Variants in KDM4B observed in about 807,000 individuals in gnomAD.
KDM4B encodes lysine demethylase 4B, also known as lysine-specific demethylase 4B.
Under a neutral mutation model 125.2 loss-of-function variants are expected in KDM4B, and 32 were observed. That is an observed-to-expected ratio of 0.26 (90% CI 0.19 to 0.34). The LOEUF (loss-of-function observed/expected upper bound fraction) is 0.34. KDM4B is among the 10% of genes least tolerant of loss of function. The probability of loss-of-function intolerance (pLI) is 1.00; values close to 1 mark genes in which losing one functional copy is unlikely to be tolerated. For missense variants in KDM4B, 1,190 were observed against 1,577.7 expected (o/e 0.75, Z 4.16); for synonymous variants, 721 against 677.9 (o/e 1.06, Z -0.99).
chr19:5,139,822 T>C (rs765150399), intron 18 of KDM4B, among the ~76,000 whole-genome samples: 1 of 152,208 alleles, frequency 6.6e-6, no homozygotes, highest in Non-Finnish European at 1.5e-5. Flanking sequence ...TTGGTGCACA[T>C]TGAGGCCCCC....
intron 21 of KDM4B, among the ~76,000 whole-genome samples, chr19:5,146,874 G>A (rs888703101): frequency 4.9e-5 from 7 of 143,214 alleles, no homozygotes; most frequent in African/African-American, 1.0e-4. Context: ...CCAGGAGGTC[G>A]AGGATGCAGT....
intron 6 of KDM4B, among the ~76,000 whole-genome samples, chr19:5,059,828 C>CCTGCAGGTATCCAGACGACGTT (rs1232040231): frequency 6.6e-6 from 1 of 152,202 alleles, no homozygotes; most frequent in Non-Finnish European, 1.5e-5. Flanking sequence ...GCCTCCACAG[C>CCTGCAGGTATCCAGACGACGTT]CTGCAGGTAT....
At chr19:4,976,969 G>A (rs1473944101) in intron 1 of KDM4B, among the ~76,000 whole-genome samples, 1 of 152,184 alleles carries the variant, frequency 6.6e-6, no homozygotes, top group Non-Finnish European at 1.5e-5. Context: ...AAACAATCTG[G>A]AGAGGCTTGC....
chr19:5,077,331 G>A, intron 7 of KDM4B, 36 bp from the exon 8 acceptor site: 2 of 1,584,384 alleles, frequency 1.3e-6, no homozygotes, highest in East Asian at 4.5e-5. Flanking sequence ...GGCCGGCTGT[G>A]GCCCAGGAGA....
chr19:5,128,580 C>G (rs1187970280), intron 11 of KDM4B, among the ~76,000 whole-genome samples: 3 of 152,214 alleles, frequency 2.0e-5, no homozygotes, highest in Non-Finnish European at 2.9e-5. Context: ...GCCTTTTACA[C>G]ACGCAGGACA....
intron 2 of KDM4B, among the ~76,000 whole-genome samples, chr19:5,021,314 C>T (rs1299442343): frequency 6.6e-6 from 1 of 151,944 alleles, no homozygotes; most frequent in African/African-American, 2.4e-5. Flanking sequence ...CTAGGCTGGG[C>T]ATGGCAGCTC....
At chr19:5,147,643 T>G (rs1365193676) in intron 21 of KDM4B, among the ~76,000 whole-genome samples, 1 of 147,902 alleles carries the variant, frequency 6.8e-6, no homozygotes, top group African/African-American at 2.5e-5. Flanking sequence ...CTTGGGAAGC[T>G]GAGGTGGGAG....
intron 6 of KDM4B, among the ~76,000 whole-genome samples, chr19:5,065,701 G>A (rs947954640): frequency 5.3e-5 from 8 of 152,212 alleles, no homozygotes; most frequent in Admixed American, 6.5e-5. Context: ...TGCAGAGAAC[G>A]CCTTTGCTTT....
intron 2 of KDM4B, among the ~76,000 whole-genome samples, chr19:5,024,532 G>A (rs1272420790): frequency 3.3e-5 from 5 of 152,080 alleles, no homozygotes; most frequent in African/African-American, 4.8e-5. Flanking sequence ...CAGGACAGCC[G>A]GGGTGGGGCC....
chr19:5,145,955 GA>G (rs1461481529), intron 21 of KDM4B, among the ~76,000 whole-genome samples: 1 of 152,252 alleles, frequency 6.6e-6, no homozygotes, highest in East Asian at 1.9e-4. Flanking sequence ...CCGCATTAAG[GA>G]AAGGTCCCGC....
intron 9 of KDM4B, among the ~76,000 whole-genome samples, chr19:5,087,898 G>A (rs1057159867): frequency 1.3e-5 from 2 of 152,192 alleles, no homozygotes; most frequent in African/African-American, 2.4e-5. Flanking sequence ...GTCTCTGGAC[G>A]GGGGCTGGGC....
intron 6 of KDM4B, among the ~76,000 whole-genome samples, chr19:5,062,147 A>G (rs142308007): frequency 0.014 from 2,138 of 152,258 alleles, 61 homozygotes; most frequent in South Asian, 0.068. Flanking sequence ...TCTCCCTCCC[A>G]GCAGGCTGCG....
chr19:5,125,096 C>T (rs764935714), intron 11 of KDM4B, among the ~76,000 whole-genome samples: 5 of 152,056 alleles, frequency 3.3e-5, no homozygotes, highest in African/African-American at 7.2e-5. Flanking sequence ...CACGGGGTCT[C>T]GCTATGTTGC....
At chr19:4,980,774 G>A (rs929430965) in intron 1 of KDM4B, among the ~76,000 whole-genome samples, 3 of 152,124 alleles carry the variant, frequency 2.0e-5, no homozygotes, top group Non-Finnish European at 4.4e-5. Context: ...TGTGCGGGGG[G>A]TGTCCTGTTT....
intron 6 of KDM4B, among the ~76,000 whole-genome samples, chr19:5,068,075 C>A (rs2037830792): frequency 6.6e-6 from 1 of 151,672 alleles, no homozygotes; most frequent in Admixed American, 6.6e-5. Flanking sequence ...ATTTCCAAAC[C>A]AAATAGCTGC....
intron 5 of KDM4B, among the ~76,000 whole-genome samples, chr19:5,041,524 C>T (rs926155977): frequency 1.3e-5 from 2 of 152,216 alleles, no homozygotes; most frequent in Non-Finnish European, 2.9e-5. Flanking sequence ...CGGCCCACAG[C>T]GTGTTACAAA....
chr19:5,041,956 G>A (rs1050173968), intron 5 of KDM4B, among the ~76,000 whole-genome samples: 2 of 152,292 alleles, frequency 1.3e-5, no homozygotes, highest in African/African-American at 2.4e-5. Context: ...TCTCTGAGCC[G>A]AGGGCGCCGG....
chr19:5,032,383 C>T (rs947501053), intron 2 of KDM4B, among the ~76,000 whole-genome samples: 24 of 152,232 alleles, frequency 1.6e-4, no homozygotes, highest in Non-Finnish European at 7.3e-5. Context: ...GCCAGCCCCC[C>T]GTGACCCACA....
At chr19:5,013,265 G>A (rs2035786050) in intron 1 of KDM4B, among the ~76,000 whole-genome samples, 1 of 152,202 alleles carries the variant, frequency 6.6e-6, no homozygotes, top group Non-Finnish European at 1.5e-5. Context: ...CAAAGAGACA[G>A]TTACTTGTGG....
Sources: allele counts gnomAD v4.1 joint callset (sites outside exome capture counted in the v4.1 genomes callset), GRCh38; gene constraint gnomAD v4.1.1; transcripts MANE v1.5; gene names NCBI Gene and HGNC (gene_info 2026-07-23, HGNC 2026-07-21).